The following EML6 variants were observed in gnomAD, a reference collection of about 807,000 sequenced individuals.
The protein encoded by EML6 is EMAP like 6.
In EML6, 154 loss-of-function variants were observed where a neutral mutation model predicts 240.1. That is an observed-to-expected ratio of 0.64 (90% CI 0.56 to 0.73). EML6 has a LOEUF of 0.73. Ranked by LOEUF, EML6 falls within the 30% of genes least tolerant of loss-of-function variation. The pLI is 0.00. For missense variants in EML6, 2,964 were observed against 2,474.6 expected (o/e 1.20, Z -4.20); for synonymous variants, 1,148 against 899.0 (o/e 1.28, Z -4.95).
chr2:54,844,367 T>C, intron 8 of EML6, 119 bp downstream of exon 8: 1 of 760,810 alleles, frequency 1.3e-6, no homozygotes, highest in Non-Finnish European at 2.1e-6. Context: ...AAATGAAACG[T>C]TAAGACATTT....
chr2:54,735,683 T>C (rs1026066954), intron 2 of EML6, among the ~76,000 whole-genome samples: 3 of 152,248 alleles, frequency 2.0e-5, no homozygotes, highest in Non-Finnish European at 2.9e-5. Flanking sequence ...TCCTTTTGAA[T>C]GTTTGTGCTT....
At chr2:54,879,737 C>T in intron 17 of EML6, 97 bp downstream of exon 17, 1 of 784,794 alleles carries the variant, frequency 1.3e-6, no homozygotes, top group Non-Finnish European at 2.1e-6. Flanking sequence ...TCTTCAAACT[C>T]AGGTGAAATT....
chr2:54,794,017 A>T (rs547171551), intron 2 of EML6, among the ~76,000 whole-genome samples: 15 of 152,334 alleles, frequency 9.8e-5, no homozygotes, highest in African/African-American at 3.6e-4. Context: ...CTCATCTAAT[A>T]AACATGAAAA....
intron 24 of EML6, among the ~76,000 whole-genome samples, chr2:54,910,735 C>T (rs962724236): frequency 6.6e-6 from 1 of 152,144 alleles, no homozygotes. Flanking sequence ...TGTTGAAGAT[C>T]AAATATTATG....
intron 2 of EML6, among the ~76,000 whole-genome samples, chr2:54,757,109 A>T (rs1292723898): frequency 6.6e-6 from 1 of 150,886 alleles, no homozygotes; most frequent in East Asian, 1.9e-4. Flanking sequence ...ATATTGCCAT[A>T]TTTTTTCTTT....
At chr2:54,814,857 T>C (rs1343530009) in intron 3 of EML6, among the ~76,000 whole-genome samples, 8 of 152,260 alleles carry the variant, frequency 5.3e-5, no homozygotes, top group Non-Finnish European at 1.0e-4. Flanking sequence ...TACTCCTTTG[T>C]AATCTCATCC....
At chr2:54,851,951 T>G (rs988458329) in intron 10 of EML6, among the ~76,000 whole-genome samples, 1 of 152,198 alleles carries the variant, frequency 6.6e-6, no homozygotes, top group Non-Finnish European at 1.5e-5. Flanking sequence ...TTAGGAAAAC[T>G]GGTTCCTGCC....
chr2:54,941,860 C>T (rs768254294), intron 28 of EML6, among the ~76,000 whole-genome samples: 18 of 152,220 alleles, frequency 1.2e-4, no homozygotes, highest in Non-Finnish European at 2.5e-4. Flanking sequence ...AAGAGTTCTG[C>T]CCGCATAGCT....
intron 2 of EML6, among the ~76,000 whole-genome samples, chr2:54,771,142 G>T (rs1386089356): frequency 6.6e-6 from 1 of 152,182 alleles, no homozygotes; most frequent in Non-Finnish European, 1.5e-5. Flanking sequence ...TCCAGCCTAT[G>T]TAATTTACTG....
intron 25 of EML6, among the ~76,000 whole-genome samples, chr2:54,913,190 T>G (rs1673736053): frequency 2.0e-5 from 3 of 152,020 alleles, no homozygotes; most frequent in Non-Finnish European, 1.5e-5. Context: ...TTCATATTTG[T>G]TGGCTGCTTG....
chr2:54,936,124 T>C (rs771940574), intron 28 of EML6, among the ~76,000 whole-genome samples: 3 of 152,246 alleles, frequency 2.0e-5, no homozygotes, highest in Non-Finnish European at 2.9e-5. Flanking sequence ...TAGAAACTTA[T>C]AACTACGGAA....
intron 28 of EML6, among the ~76,000 whole-genome samples, chr2:54,938,044 A>G (rs1365132137): frequency 6.6e-6 from 1 of 152,184 alleles, no homozygotes; most frequent in Non-Finnish European, 1.5e-5. Flanking sequence ...TGGAAAAGTG[A>G]TTGTATAAAA....
In EML6 at chr2:54,964,587, C is replaced by A; in HGVS notation, c.5347C>A (p.Arg1783=). 1 of 1,552,352 alleles carries A rather than the reference C, an allele frequency of 6.4e-7. No individual in the cohort carries two copies. Among genetic ancestry groups the A allele is most frequent in the Non-Finnish European group, 8.7e-7 (1 of 1,147,122 alleles). ...TTTTTCTAGAATCAGCCCAGACAAC[C>A]GATTCTTAGCCGTTGGTTCTTCTGA... is the stretch of plus-strand genomic sequence containing the variant. The part of the protein sequence containing the change: ...IQDIRISPDN[R]FLAVGSSEHT... Residue 1783 remains arginine (R), a synonymous_variant, in exon 38 of 42, where the codon CGA becomes AGA. Coordinates refer to ENST00000356458, the MANE Select transcript of EML6 (RefSeq NM_001039753.4).
chr2:54,928,832 C>T (rs1365258067), intron 28 of EML6, 81 bp downstream of exon 28: 8 of 1,493,284 alleles, frequency 5.4e-6, no homozygotes, highest in Non-Finnish European at 7.3e-6. Flanking sequence ...TTTTCTTTGC[C>T]CTCAAAGTTG....
At chr2:54,968,020 C>G in intron 39 of EML6, 108 bp from the exon 40 acceptor site, 1 of 1,133,904 alleles carries the variant, frequency 8.8e-7, no homozygotes. Flanking sequence ...TTGGGGACCC[C>G]TGATGTTAAA....
At chr2:54,952,181 A>T (rs915891678) in intron 30 of EML6, among the ~76,000 whole-genome samples, 5 of 152,182 alleles carry the variant, frequency 3.3e-5, no homozygotes, top group African/African-American at 1.2e-4. Context: ...TGCTCAGTAA[A>T]GCATCATCTC....
rs1320700854 is a variant in EML6, at chr2:54,829,381, G to T, written c.751G>T (p.Ala251Ser). The T allele has an allele frequency of 5.8e-6, 9 of 1,551,788 alleles. No individual in the cohort carries two copies. The highest frequency in any genetic ancestry group is 1.4e-5 in the African/African-American group (1 of 73,060). Residue 251 changes from alanine (A) to serine (S), a missense_variant, in exon 7 of 42, where the codon GCC becomes TCC. By Grantham distance (99) the Ala-to-Ser change is moderately conservative (BLOSUM62 1). Coordinates refer to ENST00000356458, the MANE Select transcript of EML6 (RefSeq NM_001039753.4). ...CATGTATGCTTGTGAAGAAGGCTTTGCCACTGGTGGGCGAGATGGGTGTAT... is the reference window on the plus strand; with the variant it reads ...CATGTATGCTTGTGAAGAAGGCTTTTCCACTGGTGGGCGAGATGGGTGTAT... ...FSMYACEEGFATGGRDGCIRL... is the reference protein window; with the variant it reads ...FSMYACEEGFSTGGRDGCIRL...
chr2:54,950,630 A>T lies in EML6; in HGVS notation c.4084-20A>T. On this transcript the variant is annotated intron_variant, in intron 29 of 41. Transcript: ENST00000356458. ...CTTCCTTCCTCTGAGGGTCACATTGATCTGTGTGTGTGAATGCAGGAGCTG... is the reference window on the plus strand; with the variant it reads ...CTTCCTTCCTCTGAGGGTCACATTGTTCTGTGTGTGTGAATGCAGGAGCTG... 1 of 1,551,252 alleles carries T rather than the reference A, an allele frequency of 6.4e-7. No homozygotes were observed. The highest frequency in any genetic ancestry group is 8.7e-7 in the Non-Finnish European group (1 of 1,146,808).
intron 8 of EML6, 42 bp downstream of exon 8, chr2:54,844,290 G>A: frequency 6.7e-7 from 1 of 1,485,194 alleles, no homozygotes; most frequent in East Asian, 2.5e-5. Context: ...TCTTTGAGAT[G>A]GATTTATTTG....
Sources: gnomAD v4.1 joint callset for allele counts (sites outside exome capture counted in the v4.1 genomes callset) on GRCh38, gnomAD v4.1.1 for gene constraint, MANE v1.5 for transcripts, NCBI Gene and HGNC (gene_info 2026-07-23, HGNC 2026-07-21) for gene names.